GIT2: variants seen among roughly 807,000 people sequenced by gnomAD.
GIT2 encodes the protein ARF GTPase-activating protein GIT2.
In GIT2, 32 loss-of-function variants were observed where a neutral mutation model predicts 100.3. That is an observed-to-expected ratio of 0.32 (90% CI 0.24 to 0.43). GIT2 has a LOEUF of 0.43. Ranked by LOEUF, GIT2 falls within the 20% of genes least tolerant of loss-of-function variation. The pLI, the probability that GIT2 is intolerant of heterozygous loss-of-function variation, is 1.00. For missense variants in GIT2, 737 were observed against 975.1 expected, an observed-to-expected ratio of 0.76 and a Z score of 3.25; for synonymous variants, 353 against 364.1, an observed-to-expected ratio of 0.97 and a Z score of 0.35.
At chr12:109,990,613 G>A (rs1593161115) in intron 2 of GIT2, among the ~76,000 whole-genome samples, 1 of 152,240 alleles carries the variant, frequency 6.6e-6, no homozygotes, top group East Asian at 1.9e-4. Context: ...CAAGTTTAAG[G>A]GATATGTGCA....
rs1832975633 is a variant in GIT2 at position 109,931,260 on chromosome 12, G to C, written c.*1718C>G. On this transcript the variant is annotated 3_prime_UTR_variant, in exon 20 of 20. Transcript: ENST00000355312. The stretch of plus-strand genomic sequence containing the variant: ...TGACTGCTATGGGACAGAACATATG[G>C]TTAAAAACAGGAGCGACAGCAACAT... 1 of 152,198 alleles carries C rather than the reference G, an allele frequency of 6.6e-6. No individual in the cohort carries two copies. The highest frequency in any genetic ancestry group is 2.4e-5 in the African/African-American group (1 of 41,434). The allele number at this position is 152,198 out of a possible 1,614,324, so 9.4% of individuals were successfully genotyped here. A position where few individuals can be genotyped will look rare whatever the true frequency, so the allele number is the denominator to read the frequency against.
Position 109,948,596 on chromosome 12 carries a change from A to G in GIT2, c.1393-1092T>C, listed in dbSNP as rs74945258. On this transcript the variant is annotated intron_variant, in intron 14 of 19. Coordinates refer to ENST00000355312, the MANE Select transcript of GIT2 (RefSeq NM_057169.5). The surrounding 1 kb of genome is among the most constrained non-coding windows in gnomAD (Gnocchi z 4.3). The stretch of plus-strand genomic sequence containing the variant: ...CGCCTTCATCTTCCATGGACATTCT[A>G]TAAGCTGGGTGTGGTGTGAGTTCAG... 230 of 1,406,632 alleles carry G rather than the reference A, an allele frequency of 1.6e-4. 1 individual carries two copies. The highest frequency in any genetic ancestry group is 2.0e-4 in the Non-Finnish European group (217 of 1,087,938). 87.1% of individuals were successfully genotyped at this position (1,406,632 alleles called of 1,614,324 possible). A position where few individuals can be genotyped will look rare whatever the true frequency, so the allele number is the denominator to read the frequency against.
At chr12:109,967,526 G>C in intron 7 of GIT2, 23 bp from the exon 8 acceptor site, 1 of 1,535,878 alleles carries the variant, frequency 6.5e-7, no homozygotes, top group Non-Finnish European at 9.0e-7. Context: ...CCAAGTCAAA[G>C]TTTTGTTCAT....
rs757152766 is a variant in GIT2, at chr12:109,953,233, G to A, written c.1101C>T (p.Asp367=). 3 of 1,613,226 alleles carry A rather than the reference G, an allele frequency of 1.9e-6. No homozygotes were observed. The highest frequency in any genetic ancestry group is 1.3e-5 in the African/African-American group (1 of 75,026). ...QQGSSLSGSK[D]NVELILKTIN... ...TGGTTTTCAGTATGAGCTCCACATTGTCTATCAATAAAAGCAAACAACTTT... is the reference window on the plus strand; with the variant it reads ...TGGTTTTCAGTATGAGCTCCACATTATCTATCAATAAAAGCAAACAACTTT... The change falls in exon 13 of 20, where the codon GAC becomes GAT. Residue 367 remains aspartate, a splice_region_variant and synonymous_variant. Coordinates refer to ENST00000355312, the MANE Select transcript of GIT2 (RefSeq NM_057169.5).
chr12:109,938,031 T>A (rs1036392308), intron 18 of GIT2, among the ~76,000 whole-genome samples: 11 of 152,136 alleles, frequency 7.2e-5, no homozygotes, highest in African/African-American at 2.4e-4. Flanking sequence ...AGCGGCCTTG[T>A]CCTTAGCCAG....
At chr12:109,983,148 A>T in intron 6 of GIT2, 1 of 471,672 alleles carries the variant, frequency 2.1e-6, no homozygotes, top group Non-Finnish European at 3.8e-6. Flanking sequence ...GTTATAAAGG[A>T]TCAAGTAAAA....
chr12:109,997,235 C>T (rs1341659246), upstream of GIT2, among the ~76,000 whole-genome samples: 1 of 148,608 alleles, frequency 6.7e-6, no homozygotes, highest in Non-Finnish European at 1.5e-5. Context: ...AAAAATTAGC[C>T]GGGCGTGGTG....
chr12:109,995,425 G>A (rs1447312543), intron 1 of GIT2, among the ~76,000 whole-genome samples: 2 of 152,132 alleles, frequency 1.3e-5, no homozygotes, highest in Non-Finnish European at 2.9e-5. Flanking sequence ...AAAAAGAAAA[G>A]CCTTAGATGA....
In GIT2 at chr12:109,972,009, AAAT is replaced by A. The variant is rs958924497; in HGVS notation, c.719-4509_719-4507del. ...ACTATCTCAAAAAAAAGGGAAAAAAAAATATATATATATATATGGATTTTTGGC... is the reference window on the plus strand; with the variant it reads ...ACTATCTCAAAAAAAAGGGAAAAAAAATATATATATATATGGATTTTTGGC... On this transcript the variant is annotated intron_variant, in intron 7 of 19. Coordinates refer to ENST00000355312, the MANE Select transcript of GIT2 (RefSeq NM_057169.5). Among the ~76,000 whole-genome samples, 719 of 141,590 alleles carry A rather than the reference AAAT, an allele frequency of 5.1e-3. 7 individuals carry two copies. Among genetic ancestry groups the A allele is most frequent in the African/African-American group, 0.02 (682 of 33,466 alleles). 92.9% of individuals were successfully genotyped at this position (141,590 alleles called of 152,430 possible).
intron 9 of GIT2, among the ~76,000 whole-genome samples, chr12:109,964,335 T>C (rs78526086): frequency 1.8e-3 from 269 of 152,216 alleles, no homozygotes; most frequent in African/African-American, 6.2e-3. Flanking sequence ...TACAGTTAAA[T>C]ACTAGTAAGG....
intron 9 of GIT2, 58 bp downstream of exon 9, chr12:109,965,468 T>C (rs1160134616): frequency 3.2e-6 from 3 of 926,838 alleles, no homozygotes; most frequent in Middle Eastern, 2.2e-4. Context: ...TCAGAGTAGG[T>C]ATCAGCAGGG....
chr12:109,950,410 G>A (rs1232220587), intron 14 of GIT2, among the ~76,000 whole-genome samples: 1 of 152,224 alleles, frequency 6.6e-6, no homozygotes, highest in Non-Finnish European at 1.5e-5. Context: ...TACCCACAAA[G>A]TCATGGGCAA....
rs1182161945 is a variant in GIT2, at chr12:109,930,871, G to A, written c.*2107C>T. The A allele has an allele frequency of 1.3e-5, 2 of 152,232 alleles. No homozygotes were observed. Among genetic ancestry groups the A allele is most frequent in the African/African-American group, 4.8e-5 (2 of 41,452 alleles). 9.4% of individuals were successfully genotyped at this position (152,232 alleles called of 1,614,324 possible). On this transcript the variant is annotated 3_prime_UTR_variant, in exon 20 of 20. Coordinates refer to ENST00000355312, the MANE Select transcript of GIT2 (RefSeq NM_057169.5). ...ATAAAGGAGGGTCAGCTAAGGACAT[G>A]AAGCCTGCAGAAAAGGCTATCAGAT...
intron 4 of GIT2, among the ~76,000 whole-genome samples, chr12:109,988,724 G>A (rs952010644): frequency 2.6e-5 from 4 of 151,926 alleles, no homozygotes; most frequent in South Asian, 2.1e-4. Flanking sequence ...ATGGTGGCAT[G>A]CGCCTGTAAT....
At chr12:109,984,634 A>G (rs1886987381) in intron 4 of GIT2, among the ~76,000 whole-genome samples, 1 of 151,758 alleles carries the variant, frequency 6.6e-6, no homozygotes, top group Non-Finnish European at 1.5e-5. Context: ...TTCAATACAG[A>G]TGAGGTCTCA....
intron 6 of GIT2, chr12:109,981,280 T>G: frequency 2.4e-6 from 1 of 417,672 alleles, no homozygotes; most frequent in Non-Finnish European, 4.3e-6. Flanking sequence ...ATAGAATATT[T>G]AATAAGAAAT....
chr12:109,988,930 G>T (rs202084609), intron 4 of GIT2, 33 bp downstream of exon 4: 2 of 1,140,842 alleles, frequency 1.8e-6, no homozygotes, highest in Non-Finnish European at 2.6e-6. Flanking sequence ...GTCTCAGCCC[G>T]CTCTTTTAGG....
intron 4 of GIT2, among the ~76,000 whole-genome samples, chr12:109,985,877 CACACACTAGCCAGG>C (rs1180369916): frequency 6.6e-6 from 1 of 151,566 alleles, no homozygotes; most frequent in African/African-American, 2.4e-5. Context: ...CACACACACA[CACACACTAGCCAGG>C]CTTGGTGGCA....
chr12:109,955,730 T>C (rs763463537), intron 12 of GIT2, among the ~76,000 whole-genome samples: 1 of 151,974 alleles, frequency 6.6e-6, no homozygotes, highest in Non-Finnish European at 1.5e-5. Context: ...TCTTTTTTTA[T>C]TGAGACAGGG....
Sources: gnomAD v4.1 joint callset for allele counts (sites outside exome capture counted in the v4.1 genomes callset) on GRCh38, gnomAD v4.1.1 for gene constraint, Gnocchi (gnomAD v3.1) non-coding constraint, MANE v1.5 for transcripts, NCBI Gene and HGNC (gene_info 2026-07-23, HGNC 2026-07-21) for gene names.